The following LIMCH1 variants were observed in gnomAD, a reference collection of about 807,000 sequenced individuals.
LIMCH1 encodes LIM and calponin homology domains-containing protein 1.
A neutral mutation model predicts 176.5 loss-of-function variants in LIMCH1; 113 were observed. That is an observed-to-expected ratio of 0.64 (90% CI 0.55 to 0.75). The LOEUF is 0.75. Ranked by LOEUF, LIMCH1 falls within the 30% of genes least tolerant of loss-of-function variation. The pLI, the probability that LIMCH1 is intolerant of heterozygous loss-of-function variation, is 0.00. For synonymous variants in LIMCH1, 619 were observed against 645.9 expected, an observed-to-expected ratio of 0.96 and a Z score of 0.63; for missense variants, 1,674 against 1,814.9, an observed-to-expected ratio of 0.92 and a Z score of 1.41.
At chr4:41,554,149 A>G (rs878878365) in intron 1 of LIMCH1, among the ~76,000 whole-genome samples, 1 of 152,196 alleles carries the variant, frequency 6.6e-6, no homozygotes, top group Admixed American at 6.5e-5. Flanking sequence ...TTCTAAGGAA[A>G]AGGAACTATT....
chr4:41,619,156 C>T (rs2152818441), intron 5 of LIMCH1, 32 bp from the exon 6 acceptor site: 4 of 1,612,046 alleles, frequency 2.5e-6, no homozygotes, highest in Non-Finnish European at 3.4e-6. Flanking sequence ...TAGCCTAACA[C>T]ACTTTCTCAG....
intron 1 of LIMCH1, among the ~76,000 whole-genome samples, chr4:41,571,828 A>G (rs527299405): frequency 1.3e-5 from 2 of 152,270 alleles, no homozygotes; most frequent in Admixed American, 1.3e-4. Flanking sequence ...TGGCTTTTAT[A>G]GGGTTTGATG....
chr4:41,415,745 G>A (rs1409273807), intron 1 of LIMCH1, among the ~76,000 whole-genome samples: 2 of 151,976 alleles, frequency 1.3e-5, no homozygotes. Context: ...TGGGAGGTCA[G>A]GGCAGGCAGA....
chr4:41,400,006 AT>A lies in LIMCH1; in HGVS notation c.96+39083del, dbSNP rs756644848. Among the ~76,000 whole-genome samples, 721 of 130,976 alleles carry A rather than the reference AT, an allele frequency of 5.5e-3. 1 individual carries two copies. The highest frequency in any genetic ancestry group is 0.012 in the Middle Eastern group (3 of 250). 85.9% of individuals were successfully genotyped at this position (130,976 alleles called of 152,430 possible). A position where few individuals can be genotyped will look rare whatever the true frequency, so the allele number is the denominator to read the frequency against. On this transcript the variant is annotated intron_variant, in intron 1 of 26. Coordinates refer to the LIMCH1 transcript ENST00000313860. ...CGAGGTGGATACTCTTTTCATTTCC[AT>A]TTTTTTTTTTTTGGTCTTTTTTTGA...
chr4:41,699,184 T>C lies in LIMCH1; in HGVS notation c.*1999T>C, dbSNP rs1732147447. The C allele has an allele frequency of 1.3e-5, 2 of 152,180 alleles. No homozygotes were observed. The highest frequency in any genetic ancestry group is 4.8e-5 in the African/African-American group (2 of 41,426). 9.4% of individuals were successfully genotyped at this position (152,180 alleles called of 1,614,324 possible). On this transcript the variant is annotated 3_prime_UTR_variant, in exon 32 of 32. Coordinates refer to ENST00000503057, the MANE Select transcript of LIMCH1 (RefSeq NM_001330672.2). ...TATGGTCATTCATAACCGATTTTTA[T>C]AGAATACTTTTTACATGTGCAACTC...
chr4:41,486,247 T>TC (rs2069511690), intron 1 of LIMCH1, among the ~76,000 whole-genome samples: 1 of 152,216 alleles, frequency 6.6e-6, no homozygotes, highest in South Asian at 2.1e-4. Flanking sequence ...CTTCCCGTTC[T>TC]CCTAAGCTTC....
chr4:41,681,193 C>A, intron 25 of LIMCH1, 134 bp downstream of exon 25: 1 of 542,104 alleles, frequency 1.8e-6, no homozygotes, highest in Non-Finnish European at 3.4e-6. Flanking sequence ...ATCACGTCAG[C>A]TACTGTGTGG....
chr4:41,686,682 A>G (rs1457955470), intron 28 of LIMCH1, among the ~76,000 whole-genome samples: 1 of 152,246 alleles, frequency 6.6e-6, no homozygotes. Context: ...AATGGGAATG[A>G]CAATAGTCCC....
chr4:41,433,131 A>T (rs2061747091), intron 1 of LIMCH1, among the ~76,000 whole-genome samples: 1 of 152,222 alleles, frequency 6.6e-6, no homozygotes, highest in Non-Finnish European at 1.5e-5. Context: ...AAAGTAGTGC[A>T]AGTGGTTCTT....
intron 1 of LIMCH1, among the ~76,000 whole-genome samples, chr4:41,377,558 G>A (rs2054956245): frequency 6.6e-6 from 1 of 152,162 alleles, no homozygotes; most frequent in Non-Finnish European, 1.5e-5. Flanking sequence ...CCTGGGTATT[G>A]GAATGTTTGA....
chr4:41,596,063 A>G (rs542440252), intron 1 of LIMCH1, among the ~76,000 whole-genome samples: 1 of 91,250 alleles, frequency 1.1e-5, no homozygotes, highest in East Asian at 2.3e-4. Flanking sequence ...AAAAAAAAAT[A>G]AAAAAGTTCA....
At chr4:41,695,880 C>G (rs969839183) in intron 31 of LIMCH1, among the ~76,000 whole-genome samples, 6 of 150,804 alleles carry the variant, frequency 4.0e-5, no homozygotes, top group African/African-American at 1.5e-4. Context: ...TTGTATTGGT[C>G]AAATATATCC....
intron 1 of LIMCH1, among the ~76,000 whole-genome samples, chr4:41,592,350 C>T (rs2087763442): frequency 6.6e-6 from 1 of 152,196 alleles, no homozygotes; most frequent in South Asian, 2.1e-4. Context: ...TTATAAGCAG[C>T]TACCCTCCAA....
chr4:41,571,668 T>C (rs144861173), intron 1 of LIMCH1, among the ~76,000 whole-genome samples: 83 of 152,252 alleles, frequency 5.5e-4, no homozygotes, highest in Non-Finnish European at 9.8e-4. Flanking sequence ...AACTAGTGCA[T>C]TTTGAGGGTG....
intron 1 of LIMCH1, among the ~76,000 whole-genome samples, chr4:41,565,378 C>T (rs1242658601): frequency 2.0e-5 from 3 of 146,874 alleles, no homozygotes; most frequent in African/African-American, 7.9e-5. Flanking sequence ...CACACACACA[C>T]ACACATACAC....
intron 2 of LIMCH1, among the ~76,000 whole-genome samples, chr4:41,512,983 C>G (rs74616217): frequency 6.6e-6 from 1 of 152,152 alleles, no homozygotes; most frequent in Non-Finnish European, 1.5e-5. Context: ...AAAAAGTCAT[C>G]TAGAAATCTC....
rs1561309824 is a variant in LIMCH1 at position 41,419,603 on chromosome 4, CGTCCTTCCT to C, written c.96+58668_96+58676del. ...CCTTCCTTCCTTCCTTCCTTCCTTC[CGTCCTTCCT>C]TCCTTCCTTCCTTCCTTCCTTCCTC... On this transcript the variant is annotated intron_variant, in intron 1 of 26. Coordinates refer to the LIMCH1 transcript ENST00000313860. Among the ~76,000 whole-genome samples the C allele has an allele frequency of 3.1e-5, 2 of 65,418 alleles. 1 individual carries two copies. The highest frequency in any genetic ancestry group is 2.8e-4 in the African/African-American group (2 of 7,202). The allele number at this position is 65,418 out of a possible 152,430, so 42.9% of individuals were successfully genotyped here. A position where few individuals can be genotyped will look rare whatever the true frequency, so the allele number is the denominator to read the frequency against.
chr4:41,542,733 C>T (rs764934525), intron 1 of LIMCH1, among the ~76,000 whole-genome samples: 9 of 152,154 alleles, frequency 5.9e-5, no homozygotes, highest in Non-Finnish European at 8.8e-5. Flanking sequence ...ATAGCAGCTT[C>T]CCTACTGCCA....
chr4:41,655,071 G>A (rs2094426065), intron 18 of LIMCH1, among the ~76,000 whole-genome samples: 1 of 152,104 alleles, frequency 6.6e-6, no homozygotes, highest in African/African-American at 2.4e-5. Context: ...CCTACAGAAA[G>A]ATATTTTTAT....
Sources: gnomAD v4.1 joint callset for allele counts (sites outside exome capture counted in the v4.1 genomes callset) on GRCh38, gnomAD v4.1.1 for gene constraint, MANE v1.5 for transcripts, NCBI Gene and HGNC (gene_info 2026-07-23, HGNC 2026-07-21) for gene names.